The following ZNF768 variants were observed in gnomAD, a reference collection of about 807,000 sequenced individuals.
ZNF768 encodes the protein zinc finger protein 768.
Under a neutral mutation model 39.7 loss-of-function variants are expected in ZNF768, and 12 were observed. The observed-to-expected ratio is 0.30, with a 90% CI of 0.19 to 0.49. The LOEUF (loss-of-function observed/expected upper bound fraction) is 0.49. ZNF768 is among the 20% of genes least tolerant of loss of function. ZNF768 has a pLI of 0.99. For missense variants in ZNF768, 613 were observed against 723.2 expected, an observed-to-expected ratio of 0.85 and a Z score of 1.75; for synonymous variants, 360 against 288.4, an observed-to-expected ratio of 1.25 and a Z score of -2.52.
At position 30,526,048 on chromosome 16, in the gene ZNF768, T is replaced by C. The variant is rs1227355412; in HGVS notation, c.92A>G (p.Asn31Ser). ...MRSPEGYLRG[N>S]MSENEEEEIS... The stretch of plus-strand genomic sequence containing the variant: ...TTCCTCTTCCTCATTCTCACTCATG[T>C]TGCCTGCAGGATGAGAGAATCCAGA... Residue 31 changes from asparagine (N) to serine (S), a missense_variant, in exon 2 of 2, where the codon AAC becomes AGC. By Grantham distance (46) the Asn-to-Ser change is conservative. Transcript: ENST00000380412. The C allele has an allele frequency of 2.7e-6, 4 of 1,497,798 alleles. No individual in the cohort carries two copies. Among genetic ancestry groups the C allele is most frequent in the Non-Finnish European group, 3.5e-6 (4 of 1,127,020 alleles). The allele number at this position is 1,497,798 out of a possible 1,614,324, so 92.8% of individuals were successfully genotyped here.
rs771538161 is a variant in ZNF768, at chr16:30,524,814, C to T, written c.1326G>A (p.Ser442=). 1.9e-6 allele frequency: 3 copies of T among 1,610,410 alleles called. No homozygotes were observed. Among genetic ancestry groups the T allele is most frequent in the Admixed American group, 3.3e-5 (2 of 59,926 alleles). Residue 442 remains serine (S), a synonymous_variant, in exon 2 of 2, where the codon TCG becomes TCA. Coordinates refer to ENST00000380412, the MANE Select transcript of ZNF768 (RefSeq NM_024671.4). ...PECGKRFGQS[S]VLAIHARTHL... is the part of the protein sequence containing the mutation. ...GGGTGCGGGCGTGGATGGCCAGCAC[C>T]GAGCTCTGGCCAAAGCGCTTGCCGC... is the stretch of plus-strand genomic sequence containing the variant.
upstream of ZNF768, among the ~76,000 whole-genome samples, chr16:30,530,013 T>C (rs975518202): frequency 6.6e-6 from 1 of 151,962 alleles, no homozygotes; most frequent in Non-Finnish European, 1.5e-5. The surrounding 1 kb of genome is among the most constrained non-coding windows in gnomAD (Gnocchi z 4.4). Flanking sequence ...GTATCCTTAG[T>C]AGAGACGGGG....
chr16:30,525,256 C>T lies in ZNF768; in HGVS notation c.884G>A (p.Ser295Asn). 1.2e-6 allele frequency: 2 copies of T among 1,614,218 alleles called. No homozygotes were observed. The highest frequency in any genetic ancestry group is 1.7e-6 in the Non-Finnish European group (2 of 1,180,014). Residue 295 changes from serine (S) to asparagine (N), a missense_variant, in exon 2 of 2, where the codon AGC (serine) becomes AAC (asparagine). Ser to Asn is a conservative substitution (Grantham distance 46). Around this residue, in one of 4 missense-constraint regions of ZNF768, gnomAD observed 40 missense variants for 52.0 expected, o/e 0.77. Coordinates refer to ENST00000380412, the MANE Select transcript of ZNF768 (RefSeq NM_024671.4). ...GEKPYKCEVC[S>N]KAFSQSSDLI... ...GTCAGAGCTCTGGGAGAAGGCCTTGCTGCAGACCTCACATTTGTAGGGCTT... is the reference window on the plus strand; with the variant it reads ...GTCAGAGCTCTGGGAGAAGGCCTTGTTGCAGACCTCACATTTGTAGGGCTT...
In ZNF768 at chr16:30,526,497, C is replaced by A. The variant is rs923369034; in HGVS notation, c.-84G>T. On this transcript the variant is annotated 5_prime_UTR_variant, in exon 1 of 2. Transcript: ENST00000380412. ...TCGGTTGCCCCGAGCCGCGGGCCCC[C>A]GCCTCCCGCCCGCTCAGCGCCGCCC... 7.2e-6 allele frequency: 9 copies of A among 1,249,818 alleles called. No homozygotes were observed. The highest frequency in any genetic ancestry group is 6.4e-5 in the African/African-American group (4 of 62,658). 77.4% of individuals were successfully genotyped at this position (1,249,818 alleles called of 1,614,324 possible). A position where few individuals can be genotyped will look rare whatever the true frequency, so the allele number is the denominator to read the frequency against.
upstream of ZNF768, chr16:30,527,411 A>G (rs943857847): frequency 3.6e-6 from 3 of 826,514 alleles, no homozygotes; most frequent in East Asian, 2.5e-4. Context: ...TCTCCGCCCC[A>G]GGAAGCCCGG....
At chr16:30,527,056 C>A (rs1303423222), upstream of ZNF768, 1 of 985,248 alleles carries the variant, frequency 1.0e-6, no homozygotes, top group East Asian at 1.1e-4. Context: ...GTCGTCGGTG[C>A]GTGTGGCCAA....
In ZNF768 at chr16:30,524,095, G is replaced by A. The variant is rs1046641190; in HGVS notation, c.*422C>T. ...GCTGGGGTTTGCACGCAGAGGCCCA[G>A]GCCCCACCCCGGGGCCCCACTCCCC... On this transcript the variant is annotated 3_prime_UTR_variant, in exon 2 of 2. Transcript: ENST00000380412. 5.1e-6 allele frequency: 1 copy of A among 195,172 alleles called. No individual in the cohort carries two copies. The highest frequency in any genetic ancestry group is 1.0e-5 in the Non-Finnish European group (1 of 96,060). 12.1% of individuals were successfully genotyped at this position (195,172 alleles called of 1,614,324 possible). A position where few individuals can be genotyped will look rare whatever the true frequency, so the allele number is the denominator to read the frequency against.
At chr16:30,528,931 A>T (rs1187329559), upstream of ZNF768, among the ~76,000 whole-genome samples, 1 of 152,238 alleles carries the variant, frequency 6.6e-6, no homozygotes, top group South Asian at 2.1e-4. Context: ...CGAGACCTCC[A>T]GCCACAGCTC....
chr16:30,529,811 G>C (rs2051354566), upstream of ZNF768, among the ~76,000 whole-genome samples: 1 of 151,754 alleles, frequency 6.6e-6, no homozygotes, highest in South Asian at 2.1e-4. Context: ...CTGGGCCCAG[G>C]GAGTAGCTAG....
At chr16:30,526,617 G>T, upstream of ZNF768, 1 of 856,260 alleles carries the variant, frequency 1.2e-6, no homozygotes, top group Non-Finnish European at 1.4e-6. Flanking sequence ...CCGCGGCCCC[G>T]CCCCCTCCCA....
At chr16:30,526,755 G>T, upstream of ZNF768, 2 of 559,288 alleles carry the variant, frequency 3.6e-6, no homozygotes, top group Non-Finnish European at 4.5e-6. Context: ...CTGGACCCCG[G>T]CCCCGGGCTG....
chr16:30,531,295 G>A (rs954824811), upstream of ZNF768: 4 of 152,210 alleles, frequency 2.6e-5, no homozygotes, highest in African/African-American at 7.2e-5. Context: ...CAACAACTGC[G>A]ACTTTCTGAG....
In ZNF768 at chr16:30,524,770, T is replaced by G; in HGVS notation, c.1370A>C (p.Tyr457Ser). 1 of 1,612,078 alleles carries G rather than the reference T, an allele frequency of 6.2e-7. No homozygotes were observed. Among genetic ancestry groups the G allele is most frequent in the Non-Finnish European group, 8.5e-7 (1 of 1,179,568 alleles). The stretch of plus-strand genomic sequence containing the variant: ...GGTCTTGCCGCAGTCGGGGCAGCTG[T>G]AGGTGCGGCCTGGCAGGTGGGTGCG... Reference protein sequence around the residue: ...HARTHLPGRTYSCPDCGKTFN... With the variant: ...HARTHLPGRTSSCPDCGKTFN... Residue 457 changes from tyrosine (Y) to serine (S), a missense_variant, in exon 2 of 2, where the codon TAC becomes TCC. By Grantham distance (144) the Tyr-to-Ser change is moderately radical. This residue lies in a region of ZNF768 where 204 missense variants were observed against 281.7 expected (regional missense o/e 0.72). Transcript: ENST00000380412.
chr16:30,526,536 G>A lies in ZNF768; in HGVS notation c.-123C>T. ...TCAGCGCCGCCCAGGGGACTCGGCG[G>A]CCCAGCCCGGGCCCCCGAGGCCGGA... On this transcript the variant is annotated 5_prime_UTR_variant, in exon 1 of 2. Coordinates refer to ENST00000380412, the MANE Select transcript of ZNF768 (RefSeq NM_024671.4). 2 of 1,097,648 alleles carry A rather than the reference G, an allele frequency of 1.8e-6. No homozygotes were observed. Among genetic ancestry groups the A allele is most frequent in the African/African-American group, 3.4e-5 (2 of 58,998 alleles). The allele number at this position is 1,097,648 out of a possible 1,614,324, so 68.0% of individuals were successfully genotyped here.
rs1192311849 is a variant in ZNF768, at chr16:30,524,777, G to A, written c.1363C>T (p.Arg455Cys). 4 of 1,611,614 alleles carry A rather than the reference G, an allele frequency of 2.5e-6. No individual in the cohort carries two copies. The highest frequency in any genetic ancestry group is 1.7e-4 in the Middle Eastern group (1 of 5,908). ...CCGCAGTCGGGGCAGCTGTAGGTGCGGCCTGGCAGGTGGGTGCGGGCGTGG... is the reference window on the plus strand; with the variant it reads ...CCGCAGTCGGGGCAGCTGTAGGTGCAGCCTGGCAGGTGGGTGCGGGCGTGG... ...AIHARTHLPG[R>C]TYSCPDCGKT... Residue 455 changes from arginine (R) to cysteine (C), a missense_variant, in exon 2 of 2, where the codon CGC (arginine) becomes TGC (cysteine). Arg to Cys is a radical substitution (Grantham distance 180, BLOSUM62 -3). Transcript: ENST00000380412.
chr16:30,525,795 T>A lies in ZNF768; in HGVS notation c.345A>T (p.Glu115Asp). Residue 115 changes from glutamate to aspartate, a missense_variant, in exon 2 of 2, where the codon GAA becomes GAT. This residue lies in a region of ZNF768 where 347 missense variants were observed against 326.1 expected (regional missense o/e 1.06). Transcript: ENST00000380412. ...PESDSQSPEF[E>D]SQSPRYEPQS... is the part of the protein sequence containing the mutation. Reference sequence around the variant, plus strand: ...GGGGTTCATACCTAGGGCTCTGGGATTCAAACTCAGGGCTCTGAGAATCTG... The same window carrying A: ...GGGGTTCATACCTAGGGCTCTGGGAATCAAACTCAGGGCTCTGAGAATCTG... The A allele has an allele frequency of 6.4e-7, 1 of 1,557,894 alleles. No homozygotes were observed. Among genetic ancestry groups the A allele is most frequent in the Non-Finnish European group, 8.6e-7 (1 of 1,156,816 alleles).
upstream of ZNF768, chr16:30,526,822 G>T: frequency 1.3e-6 from 1 of 774,836 alleles, no homozygotes; most frequent in East Asian, 1.4e-4. Flanking sequence ...CACAGGAAGT[G>T]TCCGTCCGCG....
In ZNF768 at chr16:30,525,271, T is replaced by G; in HGVS notation, c.869A>C (p.Lys290Thr). The G allele has an allele frequency of 6.2e-7, 1 of 1,614,054 alleles. No homozygotes were observed. Among genetic ancestry groups the G allele is most frequent in the Non-Finnish European group, 8.5e-7 (1 of 1,179,972 alleles). The change falls in exon 2 of 2, where the codon AAA becomes ACA. Residue 290 changes from lysine to threonine, a missense_variant. Coordinates refer to ENST00000380412, the MANE Select transcript of ZNF768 (RefSeq NM_024671.4). ...QRIHTGEKPY[K>T]CEVCSKAFSQ... ...GAAGGCCTTGCTGCAGACCTCACATTTGTAGGGCTTCTCACCGGTGTGGAT... is the reference window on the plus strand; with the variant it reads ...GAAGGCCTTGCTGCAGACCTCACATGTGTAGGGCTTCTCACCGGTGTGGAT...
chr16:30,532,047 C>T, the ZNF768 span: 1 of 174,232 alleles, frequency 5.7e-6, no homozygotes, highest in Non-Finnish European at 1.2e-5. Flanking sequence ...ACTTGGGTGG[C>T]TGAGGCAGGA....
Sources: gnomAD v4.1 joint callset for allele counts (sites outside exome capture counted in the v4.1 genomes callset) on GRCh38, gnomAD v4.1.1 for gene constraint, gnomAD v4.1.1 regional missense constraint, Gnocchi (gnomAD v3.1) non-coding constraint, MANE v1.5 for transcripts, NCBI Gene and HGNC (gene_info 2026-07-23, HGNC 2026-07-21) for gene names.